CAP1: variants seen among roughly 807,000 people sequenced by gnomAD.
CAP1 encodes the protein cyclase associated actin cytoskeleton regulatory protein 1.
In CAP1, 11 loss-of-function variants were observed where a neutral mutation model predicts 58.2. The observed-to-expected ratio is 0.19, with a 90% confidence interval of 0.12 to 0.31. CAP1 has a LOEUF of 0.31. Among genes scored for constraint, CAP1 ranks in the 10% least tolerant of loss-of-function variants. CAP1 has a pLI of 1.00. For synonymous variants in CAP1, 183 were observed against 213.8 expected (o/e 0.86, Z 1.26); for missense variants, 423 against 587.5 (o/e 0.72, Z 2.89).
At position 40,043,438 on chromosome 1, in the gene CAP1, C is replaced by T. The variant is rs1015302995; in HGVS notation, c.-11+2637C>T. On this transcript the variant is annotated intron_variant, in intron 1 of 12. Coordinates refer to ENST00000372805, the MANE Select transcript of CAP1 (RefSeq NM_006367.4). Reference sequence around the variant, plus strand: ...GTTTCGAACTCCTGACCTCGTGATCCGCCTGCCTCGCCCTCCCAAAGTGTT... The same window carrying T: ...GTTTCGAACTCCTGACCTCGTGATCTGCCTGCCTCGCCCTCCCAAAGTGTT... 3.3e-5 allele frequency among the ~76,000 whole-genome samples: 5 copies of T among 152,192 alleles called. No homozygotes were observed. The Middle Eastern group carries it at 0.014, about 414-fold the overall frequency.
At chr1:40,071,005 G>C in intron 12 of CAP1, 26 bp downstream of exon 12, 2 of 1,585,838 alleles carry the variant, frequency 1.3e-6, no homozygotes, top group Non-Finnish European at 1.7e-6. Context: ...TCTTTAGTAT[G>C]ATGTTAAAAA....
chr1:40,070,569 A>G (rs1647720591), intron 11 of CAP1, 57 bp downstream of exon 11: 2 of 1,336,808 alleles, frequency 1.5e-6, no homozygotes, highest in Admixed American at 1.7e-5. Flanking sequence ...TCAAAGAGAC[A>G]TGGTAGACCC....
At chr1:40,048,396 G>A (rs954861020) in intron 1 of CAP1, among the ~76,000 whole-genome samples, 1 of 152,202 alleles carries the variant, frequency 6.6e-6, no homozygotes, top group African/African-American at 2.4e-5. Context: ...CTGGGGCAAA[G>A]TGGTGCCTGT....
Position 40,071,927 on chromosome 1 carries a change from ATG to A in CAP1, c.*395_*396del. 1 of 411,738 alleles carries A rather than the reference ATG, an allele frequency of 2.4e-6. No individual in the cohort carries two copies. Among genetic ancestry groups the A allele is most frequent in the Non-Finnish European group, 4.3e-6 (1 of 232,568 alleles). The allele number at this position is 411,738 out of a possible 1,614,324, so 25.5% of individuals were successfully genotyped here. On this transcript the variant is annotated 3_prime_UTR_variant, in exon 13 of 13. Transcript: ENST00000372805. ...CACACTGGTTAATCTTTTTTTAACA[ATG>A]AGCATGAAGGTAGCAGAAGCTGGTG...
rs576471300 is a variant in CAP1 at position 40,066,128 on chromosome 1, T to C, written c.525-87T>C. The C allele has an allele frequency of 1.5e-4, 113 of 752,278 alleles. 2 individuals carry two copies. The South Asian group carries it at 1.7e-3, about 11-fold the overall frequency. 46.6% of individuals were successfully genotyped at this position (752,278 alleles called of 1,614,324 possible). ...CTAAGAAACACCACGGGTAGGAGAA[T>C]GTGAGCCCATAGGAAAGAAGGGTTC... On this transcript the variant is annotated intron_variant, in intron 6 of 12. Transcript: ENST00000372805.
chr1:40,047,086 A>G (rs969303169), intron 1 of CAP1, among the ~76,000 whole-genome samples: 2 of 138,008 alleles, frequency 1.4e-5, no homozygotes, highest in Admixed American at 7.2e-5. Flanking sequence ...TTTAAAGTAC[A>G]GTAAAAATAG....
rs537431473 is a variant in CAP1 at position 40,071,491 on chromosome 1, C to T, written c.1386C>T (p.Asn462=). ...CTGAGCAGTTCAAGACCCTATGGAA[C>T]GGGCAGAAGTTGGTCACCACAGTGA... is the stretch of plus-strand genomic sequence containing the variant. ...PVPEQFKTLW[N]GQKLVTTVTE... Residue 462 remains asparagine (N), a synonymous_variant, in exon 13 of 13, where the codon AAC becomes AAT. Coordinates refer to ENST00000372805, the MANE Select transcript of CAP1 (RefSeq NM_006367.4). 29 of 1,613,672 alleles carry T rather than the reference C, an allele frequency of 1.8e-5. No homozygotes were observed. Among genetic ancestry groups the T allele is most frequent in the Admixed American group, 1.3e-4 (8 of 60,006 alleles).
At chr1:40,050,758 C>T (rs1179384597) in intron 1 of CAP1, among the ~76,000 whole-genome samples, 1 of 152,124 alleles carries the variant, frequency 6.6e-6, no homozygotes, top group Non-Finnish European at 1.5e-5. Flanking sequence ...ACCCTAATAT[C>T]ATCACTTGTC....
chr1:40,069,823 C>T lies in CAP1; in HGVS notation c.942C>T (p.Ala314=), dbSNP rs1488105825. 2 of 1,603,120 alleles carry T rather than the reference C, an allele frequency of 1.2e-6. No individual in the cohort carries two copies. Reference sequence around the variant, plus strand: ...AAACCAGCCCATCCCCCAAACGAGCCACAAAGAAGGAGCCAGCTGTACTTG... The same window carrying T: ...AAACCAGCCCATCCCCCAAACGAGCTACAAAGAAGGAGCCAGCTGTACTTG... ...KPQTSPSPKR[A]TKKEPAVLEL... Residue 314 remains alanine, a synonymous_variant, in exon 9 of 13, where the codon GCC becomes GCT. Transcript: ENST00000372805.
intron 3 of CAP1, among the ~76,000 whole-genome samples, chr1:40,060,380 A>G (rs1278546067): frequency 1.3e-5 from 2 of 151,996 alleles, no homozygotes; most frequent in African/African-American, 4.8e-5. Context: ...TGCTTTTATC[A>G]CGTATTTATA....
intron 11 of CAP1, 72 bp downstream of exon 11, chr1:40,070,584 A>G: frequency 5.6e-6 from 7 of 1,252,236 alleles, no homozygotes; most frequent in Non-Finnish European, 8.2e-6. Flanking sequence ...AGACCCACAG[A>G]TGTTGCTTTG....
At position 40,071,615 on chromosome 1, in the gene CAP1, C is replaced by G; in HGVS notation, c.*82C>G. On this transcript the variant is annotated 3_prime_UTR_variant, in exon 13 of 13. Coordinates refer to ENST00000372805, the MANE Select transcript of CAP1 (RefSeq NM_006367.4). ...AAGACGGTTCTTTTCTAGATTTCCTCTACCTTTTTGCTCTTAAAACTGCTT... is the reference window on the plus strand; with the variant it reads ...AAGACGGTTCTTTTCTAGATTTCCTGTACCTTTTTGCTCTTAAAACTGCTT... The G allele has an allele frequency of 1.1e-6, 1 of 921,146 alleles. No individual in the cohort carries two copies. Among genetic ancestry groups the G allele is most frequent in the Non-Finnish European group, 1.7e-6 (1 of 579,184 alleles). 57.1% of individuals were successfully genotyped at this position (921,146 alleles called of 1,614,324 possible).
chr1:40,060,262 G>A, intron 3 of CAP1, 92 bp downstream of exon 3: 1 of 852,080 alleles, frequency 1.2e-6, no homozygotes, highest in Non-Finnish European at 1.9e-6. Flanking sequence ...AGAGCTCCTT[G>A]AGAAGTTCCT....
At chr1:40,043,489 C>T (rs1645939331) in intron 1 of CAP1, among the ~76,000 whole-genome samples, 1 of 152,182 alleles carries the variant, frequency 6.6e-6, no homozygotes, top group African/African-American at 2.4e-5. Flanking sequence ...AGCCTCCGCA[C>T]CCGGCGTGAA....
chr1:40,058,334 C>A (rs1198957320), intron 1 of CAP1, among the ~76,000 whole-genome samples: 1 of 152,148 alleles, frequency 6.6e-6, no homozygotes, highest in Non-Finnish European at 1.5e-5. Context: ...AAATCTCATG[C>A]CTCTCTATCA....
chr1:40,069,344 T>C (rs1647347231), intron 8 of CAP1, among the ~76,000 whole-genome samples: 1 of 151,990 alleles, frequency 6.6e-6, no homozygotes, highest in Non-Finnish European at 1.5e-5. Context: ...CTTTTCCTTT[T>C]ACCAAATTTT....
chr1:40,069,439 G>T (rs1647369469), intron 8 of CAP1: 1 of 354,574 alleles, frequency 2.8e-6, no homozygotes. Context: ...AGACATAGAG[G>T]ATAAGGATTT....
At chr1:40,068,712 A>G (rs1374046835) in intron 8 of CAP1, among the ~76,000 whole-genome samples, 1 of 152,180 alleles carries the variant, frequency 6.6e-6, no homozygotes, top group Non-Finnish European at 1.5e-5. Context: ...AGTATTTGTT[A>G]TACAGTTAAC....
intron 6 of CAP1, 50 bp from the exon 7 acceptor site, chr1:40,066,165 C>A: frequency 9.7e-7 from 1 of 1,030,960 alleles, no homozygotes; most frequent in Non-Finnish European, 1.5e-6. Flanking sequence ...GGAGTCACCA[C>A]TGTTATGTAC....
Sources: allele counts gnomAD v4.1 joint callset (sites outside exome capture counted in the v4.1 genomes callset), GRCh38; gene constraint gnomAD v4.1.1; transcripts MANE v1.5; gene names NCBI Gene and HGNC (gene_info 2026-07-23, HGNC 2026-07-21).